Variants in KIAA0319L observed in about 807,000 individuals in gnomAD.
KIAA0319L encodes dyslexia-associated protein KIAA0319-like protein.
In KIAA0319L, 55 loss-of-function variants were observed where a neutral mutation model predicts 120.1. That is an observed-to-expected ratio of 0.46 (90% CI 0.37 to 0.57). The LOEUF (loss-of-function observed/expected upper bound fraction) is 0.57. Among genes scored for constraint, KIAA0319L ranks in the 20% least tolerant of loss-of-function variants. The probability of loss-of-function intolerance (pLI) is 0.00; values close to 1 mark genes in which losing one functional copy is unlikely to be tolerated. For missense variants in KIAA0319L, 1,049 were observed against 1,255.3 expected (o/e 0.84, Z 2.48); for synonymous variants, 398 against 471.9 (o/e 0.84, Z 2.03).
rs1449587495 is a variant in KIAA0319L, at chr1:35,437,070, C to T, written c.2963-1989G>A. ...CTGAGCGGGCTCTCCCAGCTCCCTT[C>T]GGTAGACACTGCCCACAAGAGACCA... is the stretch of plus-strand genomic sequence containing the variant. On this transcript the variant is annotated intron_variant, in intron 20 of 20. Coordinates refer to ENST00000325722, the MANE Select transcript of KIAA0319L (RefSeq NM_024874.5). The surrounding 1 kb of genome is among the most constrained non-coding windows in gnomAD (Gnocchi z 4.1). 2.0e-5 allele frequency among the ~76,000 whole-genome samples: 3 copies of T among 152,154 alleles called. No individual in the cohort carries two copies. The highest frequency in any genetic ancestry group is 4.8e-5 in the African/African-American group (2 of 41,442).
Position 35,554,429 on chromosome 1 carries a change from C to T in KIAA0319L, c.63G>A (p.Trp21Ter). ...TTCTCAACCACTTCGCAGATGTCTG[C>T]CAATAATATCCTGATAAAATCCAGG... ...PASWILSGYYWQTSAKWLRSL... is the reference protein window; with the variant it reads ...PASWILSGYY Residue 21 changes from tryptophan (W) to a stop codon, truncating the protein, a stop_gained, in exon 2 of 21, where the codon TGG becomes TGA. Transcript: ENST00000325722. LOFTEE classifies it high-confidence loss of function. 1 of 1,613,318 alleles carries T rather than the reference C, an allele frequency of 6.2e-7. No homozygotes were observed. The highest frequency in any genetic ancestry group is 8.5e-7 in the Non-Finnish European group (1 of 1,179,750).
intron 3 of KIAA0319L, among the ~76,000 whole-genome samples, chr1:35,496,931 A>C (rs1372179893): frequency 8.0e-6 from 1 of 124,976 alleles, no homozygotes; most frequent in African/African-American, 3.2e-5. Flanking sequence ...TGAGCAACAG[A>C]GTGAGATTGT....
chr1:35,509,170 G>T (rs1558529523), intron 2 of KIAA0319L, among the ~76,000 whole-genome samples: 2 of 152,074 alleles, frequency 1.3e-5, no homozygotes, highest in African/African-American at 2.4e-5. Flanking sequence ...AGGAGACGGA[G>T]TTCAGGGTGA....
chr1:35,447,529 C>T (rs188127546), intron 16 of KIAA0319L, among the ~76,000 whole-genome samples: 120 of 152,008 alleles, frequency 7.9e-4, no homozygotes, highest in African/African-American at 2.7e-3. Flanking sequence ...CCTCCCCATC[C>T]TCCCATGCCT....
At chr1:35,513,288 A>ATATATATATATATATATATTT (rs1414704674) in intron 2 of KIAA0319L, among the ~76,000 whole-genome samples, 1 of 85,338 alleles carries the variant, frequency 1.2e-5, no homozygotes, top group African/African-American at 4.3e-5. Context: ...ATATATATAT[A>ATATATATATATATATATATTT]TTTTTTTTTT....
At chr1:35,454,313 T>C in intron 11 of KIAA0319L, 49 bp downstream of exon 11, 1 of 1,606,520 alleles carries the variant, frequency 6.2e-7, no homozygotes, top group Non-Finnish European at 8.5e-7. Context: ...CCCCCAAGGT[T>C]AAATGGACCC....
chr1:35,473,824 GA>G (rs1643786604), intron 5 of KIAA0319L, among the ~76,000 whole-genome samples: 1 of 152,186 alleles, frequency 6.6e-6, no homozygotes, highest in South Asian at 2.1e-4. Context: ...CCTAAATAGG[GA>G]AGGACATTCT....
chr1:35,454,093 A>G, intron 11 of KIAA0319L: 1 of 452,562 alleles, frequency 2.2e-6, no homozygotes, highest in Non-Finnish European at 3.9e-6. Context: ...ACTTTTTAGG[A>G]TTTGGGATGG....
chr1:35,530,523 C>T (rs1646323387), intron 2 of KIAA0319L, among the ~76,000 whole-genome samples: 1 of 152,056 alleles, frequency 6.6e-6, no homozygotes, highest in African/African-American at 2.4e-5. Flanking sequence ...TCTGTGTTCC[C>T]ATGCATATCA....
intron 5 of KIAA0319L, among the ~76,000 whole-genome samples, chr1:35,471,347 A>G (rs1334002866): frequency 6.6e-6 from 1 of 152,352 alleles, no homozygotes; most frequent in Non-Finnish European, 1.5e-5. Flanking sequence ...TTTGCAACAA[A>G]GAACAGCAAT....
At chr1:35,472,786 CTT>C (rs760880560) in intron 5 of KIAA0319L, among the ~76,000 whole-genome samples, 100 of 139,060 alleles carry the variant, frequency 7.2e-4, no homozygotes, top group African/African-American at 9.5e-4. Flanking sequence ...ATCTATTTCC[CTT>C]TTTTTTTTTT....
rs534777375 is a variant in KIAA0319L at position 35,435,187 on chromosome 1, G to A, written c.2963-106C>T. 7.3e-5 allele frequency: 73 copies of A among 1,000,328 alleles called. No homozygotes were observed. The African/African-American group carries it at 1.0e-3, about 14-fold the overall frequency. 62.0% of individuals were successfully genotyped at this position (1,000,328 alleles called of 1,614,324 possible). A position where few individuals can be genotyped will look rare whatever the true frequency, so the allele number is the denominator to read the frequency against. ...GAGCCAAGGAACAGGGCAAGTCACA[G>A]GCTCCTCTCCAGGCTGGGAGGTGCA... On this transcript the variant is annotated intron_variant, in intron 20 of 20. Coordinates refer to ENST00000325722, the MANE Select transcript of KIAA0319L (RefSeq NM_024874.5).
chr1:35,528,444 CTT>C (rs1231781512), intron 2 of KIAA0319L, among the ~76,000 whole-genome samples: 2 of 152,148 alleles, frequency 1.3e-5, no homozygotes, highest in Non-Finnish European at 2.9e-5. Context: ...CTAAGTTCCT[CTT>C]GTTATGGATT....
intron 2 of KIAA0319L, among the ~76,000 whole-genome samples, chr1:35,531,205 G>T (rs1428226749): frequency 6.6e-6 from 1 of 152,238 alleles, no homozygotes; most frequent in Non-Finnish European, 1.5e-5. Context: ...GCTAGTGACA[G>T]TGGCCCCAGG....
At position 35,451,774 on chromosome 1, in the gene KIAA0319L, C is replaced by G; in HGVS notation, c.1916G>C (p.Gly639Ala). The G allele has an allele frequency of 1.2e-6, 2 of 1,612,710 alleles. No individual in the cohort carries two copies. The highest frequency in any genetic ancestry group is 2.2e-5 in the East Asian group (1 of 44,866). ...IISYLWEKTQ[G>A]PDGVQLENAN... The stretch of plus-strand genomic sequence containing the variant: ...ATTCTCGAGCTGCACCCCATCAGGT[C>G]CCCTGCAAAAAAAGAAACTAGAGGG... Residue 639 changes from glycine to alanine, a missense_variant and splice_region_variant, in exon 13 of 21, where the codon GGA (glycine) becomes GCA (alanine). Coordinates refer to ENST00000325722, the MANE Select transcript of KIAA0319L (RefSeq NM_024874.5).
rs1244113961 is a variant in KIAA0319L at position 35,442,319 on chromosome 1, C to T, written c.2797G>A (p.Val933Ile). 1.2e-6 allele frequency: 2 copies of T among 1,613,510 alleles called. No individual in the cohort carries two copies. The highest frequency in any genetic ancestry group is 1.7e-5 in the Admixed American group (1 of 60,004). Residue 933 changes from valine to isoleucine, a missense_variant, in exon 19 of 21, where the codon GTT becomes ATT. Physicochemically the swap from Val to Ile is conservative, Grantham distance 29 (BLOSUM62 3). Transcript: ENST00000325722. ...DSNCEWSVLY[V>I]IIATFVIVVA... ...ACAATGACAAAGGTAGCAATGATAA[C>T]ATATAACACGCTCCACTCTGCCAAG...
At chr1:35,523,014 TAAAAAAAA>T (rs58518920) in intron 2 of KIAA0319L, among the ~76,000 whole-genome samples, 4 of 62,530 alleles carry the variant, frequency 6.4e-5, no homozygotes, top group African/African-American at 1.5e-4. Context: ...AAACTCCACA[TAAAAAAAA>T]AAAAAAAAAA....
chr1:35,507,621 T>A (rs1470722292), intron 2 of KIAA0319L, among the ~76,000 whole-genome samples: 1 of 152,110 alleles, frequency 6.6e-6, no homozygotes, highest in Admixed American at 6.5e-5. Context: ...AGAAGAACAG[T>A]TTCCCCAGCA....
At chr1:35,508,800 C>T (rs1434495086) in intron 2 of KIAA0319L, among the ~76,000 whole-genome samples, 1 of 152,072 alleles carries the variant, frequency 6.6e-6, no homozygotes, top group East Asian at 1.9e-4. Context: ...AATTTTCCTT[C>T]ATTCTTCTCA....
Sources: allele counts gnomAD v4.1 joint callset (sites outside exome capture counted in the v4.1 genomes callset), GRCh38; gene constraint gnomAD v4.1.1; non-coding constraint Gnocchi (gnomAD v3.1); transcripts MANE v1.5; gene names NCBI Gene and HGNC (gene_info 2026-07-23, HGNC 2026-07-21).